SEC63: variants seen among roughly 807,000 people sequenced by gnomAD.
The protein encoded by SEC63 is translocation protein SEC63 homolog.
SEC63 carries 56 observed loss-of-function variants against 116.2 expected under a neutral mutation model. The ratio of observed to expected loss-of-function variants is 0.48; its 90% CI spans 0.39 to 0.60. The LOEUF is 0.60. SEC63 is among the 20% of genes least tolerant of loss of function. SEC63 has a pLI of 0.00. For missense variants in SEC63, 668 were observed against 900.0 expected (o/e 0.74, Z 3.30); for synonymous variants, 273 against 294.6 (o/e 0.93, Z 0.75).
chr6:107,900,849 C>T (rs747238351), intron 13 of SEC63, among the ~76,000 whole-genome samples: 34 of 152,226 alleles, frequency 2.2e-4, no homozygotes, highest in Non-Finnish European at 4.1e-4. Context: ...AATAGAAACA[C>T]AGAGCAATTA....
At chr6:107,931,777 C>T (rs2744215) in intron 1 of SEC63, 130,968 of 151,320 alleles carry the variant, frequency 0.87, 56,808 homozygotes, top group Middle Eastern at 0.92. Flanking sequence ...AGTTTTGAAA[C>T]AAAAATCTGC....
At chr6:107,957,651 A>G (rs1010383183) in intron 1 of SEC63, 1 of 341,752 alleles carries the variant, frequency 2.9e-6, no homozygotes, top group Non-Finnish European at 5.2e-6. Context: ...GTCCACAACA[A>G]TGGAGAAGAT....
intron 14 of SEC63, among the ~76,000 whole-genome samples, chr6:107,894,770 C>G (rs6934438): frequency 0.046 from 6,937 of 151,010 alleles, 536 homozygotes; most frequent in African/African-American, 0.16. Flanking sequence ...ACACCACTTG[C>G]CTTTTTTTTT....
At chr6:107,929,256 C>A (rs952486161) in intron 2 of SEC63, among the ~76,000 whole-genome samples, 159 bp downstream of exon 2, 1 of 152,230 alleles carries the variant, frequency 6.6e-6, no homozygotes, top group Non-Finnish European at 1.5e-5. Context: ...CTAAACCAAT[C>A]TGTTCAGACT....
intron 8 of SEC63, 139 bp from the exon 9 acceptor site, chr6:107,906,916 A>G: frequency 1.4e-6 from 1 of 693,176 alleles, no homozygotes; most frequent in South Asian, 1.6e-5. Context: ...CTCCACTGAC[A>G]AGTATTTATT....
Position 107,906,767 on chromosome 6 carries a change from CATG to C in SEC63, c.741_743del (p.Ile247del). On this transcript the variant is annotated inframe_deletion, in exon 9 of 21. Coordinates refer to ENST00000369002, the MANE Select transcript of SEC63 (RefSeq NM_007214.5). ...CAAATTCAGAAGCTCCAGCCAAAAC[CATG>C]ATAAGACCTAACAAAACAAAAGAAA... 1 of 1,612,480 alleles carries C rather than the reference CATG, an allele frequency of 6.2e-7. No individual in the cohort carries two copies. Among genetic ancestry groups the C allele is most frequent in the Non-Finnish European group, 8.5e-7 (1 of 1,178,678 alleles).
At chr6:107,905,121 A>G (rs1018371922) in intron 10 of SEC63, among the ~76,000 whole-genome samples, 5 of 152,224 alleles carry the variant, frequency 3.3e-5, no homozygotes, top group African/African-American at 1.2e-4. Flanking sequence ...GGCAACTTAC[A>G]GAAAGAGAAA....
chr6:107,912,542 G>A (rs188971487), intron 6 of SEC63, among the ~76,000 whole-genome samples, 174 bp downstream of exon 6: 6 of 152,308 alleles, frequency 3.9e-5, no homozygotes, highest in East Asian at 1.9e-4. Flanking sequence ...CCGAGATCAC[G>A]CCACTGCTCT....
intron 12 of SEC63, 71 bp from the exon 13 acceptor site, chr6:107,901,588 C>T (rs1787005619): frequency 9.0e-7 from 1 of 1,115,706 alleles, no homozygotes; most frequent in Non-Finnish European, 1.3e-6. Context: ...GAAAATTACT[C>T]ACATGTTAAC....
At chr6:107,884,641 G>C (rs1786487512) in intron 16 of SEC63, among the ~76,000 whole-genome samples, 1 of 151,992 alleles carries the variant, frequency 6.6e-6, no homozygotes, top group East Asian at 1.9e-4. Flanking sequence ...ACAAATCAAA[G>C]CTTACACAAA....
rs1372441092 is a variant in SEC63 at position 107,868,887 on chromosome 6, AC to A, written c.*2816del. 1.3e-5 allele frequency: 2 copies of A among 152,230 alleles called. No homozygotes were observed. The highest frequency in any genetic ancestry group is 2.4e-5 in the African/African-American group (1 of 41,456). 9.4% of individuals were successfully genotyped at this position (152,230 alleles called of 1,614,324 possible). On this transcript the variant is annotated 3_prime_UTR_variant, in exon 21 of 21. Coordinates refer to ENST00000369002, the MANE Select transcript of SEC63 (RefSeq NM_007214.5). ...CAAAAATTATGTAAGGTGCTGAATT[AC>A]ATTTGAAATAAGAATTGTGACTACA...
rs1322199688 is a variant in SEC63, at chr6:107,868,186, G to A, written c.*3518C>T. ...AGGCAGTCTAAATAGAGGATTTCAT[G>A]GAGTTAAATCAGACCGTTTGTGGGA... On this transcript the variant is annotated 3_prime_UTR_variant, in exon 21 of 21. Transcript: ENST00000369002. 1 of 151,476 alleles carries A rather than the reference G, an allele frequency of 6.6e-6. No individual in the cohort carries two copies. The highest frequency in any genetic ancestry group is 6.6e-5 in the Admixed American group (1 of 15,188). The allele number at this position is 151,476 out of a possible 1,614,324, so 9.4% of individuals were successfully genotyped here.
intron 17 of SEC63, among the ~76,000 whole-genome samples, chr6:107,881,860 A>C (rs1053001332): frequency 1.3e-5 from 2 of 152,198 alleles, no homozygotes; most frequent in African/African-American, 4.8e-5. Flanking sequence ...ATTATCTTTA[A>C]TCTTAGACAG....
rs112899923 is a variant in SEC63 at position 107,879,146 on chromosome 6, T to C, written c.1935+2003A>G. ...ACAGGTAGAGAGGTTAGAAAGATCCTAAATAAATTTTGTTTGTTCATTTGT... is the reference window on the plus strand; with the variant it reads ...ACAGGTAGAGAGGTTAGAAAGATCCCAAATAAATTTTGTTTGTTCATTTGT... On this transcript the variant is annotated intron_variant, in intron 18 of 20. Transcript: ENST00000369002. Among the ~76,000 whole-genome samples, 1,028 of 152,300 alleles carry C rather than the reference T, an allele frequency of 6.7e-3. 15 individuals are homozygous for C. Among genetic ancestry groups the C allele is most frequent in the African/African-American group, 0.024 (998 of 41,562 alleles).
At position 107,870,893 on chromosome 6, in the gene SEC63, A is replaced by G. The variant is rs1786115656; in HGVS notation, c.*811T>C. ...GAGTCAAGTAGACTGAAAACTAAGG[A>G]TGTAGTTCAGCTTTTAGAGTGAACC... is the stretch of plus-strand genomic sequence containing the variant. On this transcript the variant is annotated 3_prime_UTR_variant, in exon 21 of 21. Transcript: ENST00000369002. 2 of 152,376 alleles carry G rather than the reference A, an allele frequency of 1.3e-5. No homozygotes were observed. Among genetic ancestry groups the G allele is most frequent in the South Asian group, 4.1e-4 (2 of 4,830 alleles). The allele number at this position is 152,376 out of a possible 1,614,324, so 9.4% of individuals were successfully genotyped here. A position where few individuals can be genotyped will look rare whatever the true frequency, so the allele number is the denominator to read the frequency against.
intron 1 of SEC63, among the ~76,000 whole-genome samples, chr6:107,956,283 A>G (rs1296152198): frequency 1.3e-5 from 2 of 152,164 alleles, no homozygotes; most frequent in East Asian, 3.8e-4. Flanking sequence ...TTTGTTTTCT[A>G]CACTACCAAT....
intron 1 of SEC63, among the ~76,000 whole-genome samples, chr6:107,940,654 C>T (rs1022383458): frequency 5.9e-5 from 9 of 152,042 alleles, no homozygotes; most frequent in African/African-American, 2.2e-4. Flanking sequence ...CACACAGCTA[C>T]AGACGGTACA....
At chr6:107,908,548 C>T (rs2114453187) in intron 8 of SEC63, among the ~76,000 whole-genome samples, 1 of 152,246 alleles carries the variant, frequency 6.6e-6, no homozygotes, top group South Asian at 2.1e-4. Flanking sequence ...TCAGTTTCCT[C>T]ATCTATAAGA....
At chr6:107,903,337 T>C (rs1203021562) in intron 11 of SEC63, among the ~76,000 whole-genome samples, 3 of 152,258 alleles carry the variant, frequency 2.0e-5, no homozygotes, top group South Asian at 4.2e-4. Context: ...CTATCCTTTT[T>C]TAAGGGCATT....
Sources: gnomAD v4.1 joint callset for allele counts (sites outside exome capture counted in the v4.1 genomes callset) on GRCh38, gnomAD v4.1.1 for gene constraint, MANE v1.5 for transcripts, NCBI Gene and HGNC (gene_info 2026-07-23, HGNC 2026-07-21) for gene names.